ARMH3: variants seen among roughly 807,000 people sequenced by gnomAD.
The protein encoded by ARMH3 is armadillo like helical domain containing 3.
Under a neutral mutation model 99.1 loss-of-function variants are expected in ARMH3, and 60 were observed. The ratio of observed to expected loss-of-function variants is 0.61; its 90% CI spans 0.49 to 0.75. The LOEUF is 0.75. Ranked by LOEUF, ARMH3 falls within the 30% of genes least tolerant of loss-of-function variation. The probability of loss-of-function intolerance (pLI) is 0.00; values close to 1 mark genes in which losing one functional copy is unlikely to be tolerated. For missense variants in ARMH3, 679 were observed against 843.1 expected (o/e 0.81, Z 2.41); for synonymous variants, 285 against 292.8 (o/e 0.97, Z 0.27).
intron 23 of ARMH3, among the ~76,000 whole-genome samples, chr10:101,907,717 A>G (rs1842697610): frequency 6.6e-6 from 1 of 152,162 alleles, no homozygotes; most frequent in Non-Finnish European, 1.5e-5. Flanking sequence ...GTTTCATCCT[A>G]GTGGTACACA....
At chr10:101,966,910 G>A (rs945137344) in intron 20 of ARMH3, among the ~76,000 whole-genome samples, 1 of 152,190 alleles carries the variant, frequency 6.6e-6, no homozygotes, top group Non-Finnish European at 1.5e-5. Context: ...CTCAAAAAAG[G>A]AGAGGGGAGG....
chr10:102,021,852 C>T (rs2066892954), intron 8 of ARMH3, among the ~76,000 whole-genome samples: 2 of 152,106 alleles, frequency 1.3e-5, no homozygotes, highest in East Asian at 3.9e-4. Context: ...GGCCAACCAG[C>T]TAATTTTTAA....
intron 8 of ARMH3, among the ~76,000 whole-genome samples, chr10:102,021,217 CA>C (rs2066877553): frequency 6.6e-6 from 1 of 151,938 alleles, no homozygotes; most frequent in Non-Finnish European, 1.5e-5. Flanking sequence ...GCTGAGACTT[CA>C]GGCATGTGCC....
At chr10:102,032,551 C>T (rs985117206) in intron 4 of ARMH3, among the ~76,000 whole-genome samples, 6 of 152,126 alleles carry the variant, frequency 3.9e-5, no homozygotes, top group African/African-American at 9.7e-5. Flanking sequence ...CAGGTGCCCA[C>T]CACCATGCCC....
chr10:102,049,192 C>T (rs944795027), intron 1 of ARMH3, among the ~76,000 whole-genome samples: 10 of 152,124 alleles, frequency 6.6e-5, no homozygotes, highest in Admixed American at 6.6e-4. Context: ...GCAAATAACC[C>T]CTTTCTATTT....
At chr10:101,849,141 A>G (rs2066527577) in intron 25 of ARMH3, among the ~76,000 whole-genome samples, 1 of 152,226 alleles carries the variant, frequency 6.6e-6, no homozygotes, top group South Asian at 2.1e-4. Context: ...CTCAGTCCCC[A>G]GCCAGGATGT....
intron 18 of ARMH3, among the ~76,000 whole-genome samples, chr10:101,991,249 C>T (rs939245184): frequency 4.6e-5 from 7 of 152,314 alleles, no homozygotes; most frequent in South Asian, 2.1e-4. Flanking sequence ...ACCCAAGATA[C>T]AGCCCCCTAC....
At chr10:102,011,631 C>T (rs1161352757) in intron 11 of ARMH3, 92 bp downstream of exon 11, 6 of 1,063,820 alleles carry the variant, frequency 5.6e-6, no homozygotes, top group Non-Finnish European at 8.3e-6. Flanking sequence ...GCCATCACTT[C>T]AAATATCTGA....
chr10:102,022,336 C>CA (rs1200485783), intron 8 of ARMH3, among the ~76,000 whole-genome samples: 10 of 150,338 alleles, frequency 6.7e-5, no homozygotes, highest in African/African-American at 2.4e-4. Flanking sequence ...CTAAAAAATA[C>CA]AAAAAATTAG....
intron 24 of ARMH3, among the ~76,000 whole-genome samples, chr10:101,852,236 C>G (rs1159502679): frequency 2.0e-5 from 3 of 152,222 alleles, no homozygotes; most frequent in African/African-American, 7.2e-5. Flanking sequence ...GAAGAGATGG[C>G]TGAACCTTCT....
intron 22 of ARMH3, among the ~76,000 whole-genome samples, chr10:101,949,510 C>T (rs998261419): frequency 6.6e-5 from 10 of 152,208 alleles, no homozygotes; most frequent in Admixed American, 3.9e-4. Flanking sequence ...ACACAAGCTT[C>T]CAAAGGTCAC....
In ARMH3 at chr10:101,918,007, T is replaced by C. The variant is rs1439072660; in HGVS notation, c.1781+21856A>G. Among the ~76,000 whole-genome samples, 4 of 152,188 alleles carry C rather than the reference T, an allele frequency of 2.6e-5. No individual in the cohort carries two copies. The East Asian group carries it at 5.8e-4, about 22-fold the overall frequency. Reference sequence around the variant, plus strand: ...TGTGTTCTTAATAATCAATTTTCAATTGAGCCAAGAATCTCCAGTATATCA... The same window carrying C: ...TGTGTTCTTAATAATCAATTTTCAACTGAGCCAAGAATCTCCAGTATATCA... On this transcript the variant is annotated intron_variant, in intron 23 of 25. Transcript: ENST00000370033.
chr10:101,878,071 A>AAC (rs1208395323), intron 24 of ARMH3, among the ~76,000 whole-genome samples: 4 of 152,164 alleles, frequency 2.6e-5, no homozygotes, highest in African/African-American at 9.7e-5. Flanking sequence ...TAGCCTGGCC[A>AAC]ACATGGCGAA....
chr10:102,004,404 A>G (rs2066436696), intron 14 of ARMH3, among the ~76,000 whole-genome samples: 1 of 152,228 alleles, frequency 6.6e-6, no homozygotes, highest in South Asian at 2.1e-4. Flanking sequence ...TCATTCCTTG[A>G]TCTTTGGCTT....
chr10:102,031,771 G>A (rs1034244839), intron 4 of ARMH3, among the ~76,000 whole-genome samples: 17 of 151,752 alleles, frequency 1.1e-4, no homozygotes, highest in East Asian at 3.9e-4. Flanking sequence ...ACGGAGTCTC[G>A]CTCTGTCGCC....
chr10:101,965,238 C>T (rs1564801137), intron 20 of ARMH3, among the ~76,000 whole-genome samples: 3 of 152,144 alleles, frequency 2.0e-5, no homozygotes, highest in Admixed American at 2.0e-4. Flanking sequence ...CAGACACTCC[C>T]AACAGCCTCA....
At chr10:101,995,956 C>G (rs138683216) in intron 15 of ARMH3, among the ~76,000 whole-genome samples, 1 of 152,244 alleles carries the variant, frequency 6.6e-6, no homozygotes, top group South Asian at 2.1e-4. Flanking sequence ...GTGGCAGGCA[C>G]TGTGCAAGGC....
rs1266924320 is a variant in ARMH3 at position 101,972,940 on chromosome 10, G to GA, written c.1495+2271dup. The stretch of plus-strand genomic sequence containing the variant: ...AATTATAAATAGAGCTGAAAGTTCT[G>GA]AAAGACATAACGTCAACTGACCAAC... On this transcript the variant is annotated intron_variant, in intron 20 of 25. Transcript: ENST00000370033. Among the ~76,000 whole-genome samples the GA allele has an allele frequency of 3.9e-5, 6 of 152,262 alleles. No homozygotes were observed. In the East Asian group the frequency reaches 1.2e-3, roughly 29 times the overall value.
At chr10:101,944,267 TATATATAGAGAGAGAGAGAG>T (rs1221737955) in intron 22 of ARMH3, among the ~76,000 whole-genome samples, 161 of 51,018 alleles carry the variant, frequency 3.2e-3, no homozygotes, top group Admixed American at 5.1e-3. Flanking sequence ...TATATATATA[TATATATAGAGAGAGAGAGAG>T]AGAGAGAGAG....
Sources: allele counts gnomAD v4.1 joint callset (sites outside exome capture counted in the v4.1 genomes callset), GRCh38; gene constraint gnomAD v4.1.1; transcripts MANE v1.5; gene names NCBI Gene and HGNC (gene_info 2026-07-23, HGNC 2026-07-21).